The following KCNH8 variants were observed in gnomAD, a reference collection of about 807,000 sequenced individuals.
KCNH8 encodes potassium voltage-gated channel subfamily H member 8, also known as voltage-gated delayed rectifier potassium channel KCNH8.
KCNH8 carries 70 observed loss-of-function variants against 103.6 expected under a neutral mutation model. The observed-to-expected ratio is 0.68, with a 90% CI of 0.56 to 0.82. The LOEUF is 0.82. Among genes scored for constraint, KCNH8 ranks in the 40% least tolerant of loss-of-function variants. The pLI is 0.00. For missense variants in KCNH8, 1,217 were observed against 1,329.9 expected (o/e 0.92, Z 1.32); for synonymous variants, 498 against 489.4 (o/e 1.02, Z -0.23).
intron 7 of KCNH8, among the ~76,000 whole-genome samples, chr3:19,407,416 T>C (rs554274647): frequency 4.8e-4 from 73 of 152,182 alleles, no homozygotes; most frequent in African/African-American, 1.6e-3. Flanking sequence ...TAGACATAGA[T>C]TGTAGTACAG....
At chr3:19,373,212 T>C (rs1270866088) in intron 5 of KCNH8, among the ~76,000 whole-genome samples, 1 of 152,136 alleles carries the variant, frequency 6.6e-6, no homozygotes, top group Non-Finnish European at 1.5e-5. Flanking sequence ...GTACCTCTGG[T>C]AGAATTCGGC....
chr3:19,153,660 T>A (rs2063152760), intron 1 of KCNH8, among the ~76,000 whole-genome samples: 1 of 146,746 alleles, frequency 6.8e-6, no homozygotes, highest in African/African-American at 2.5e-5. Flanking sequence ...TTTAGACGAG[T>A]CTCACTCTGT....
At chr3:19,287,766 A>G (rs1390161966) in intron 3 of KCNH8, among the ~76,000 whole-genome samples, 2 of 149,312 alleles carry the variant, frequency 1.3e-5, no homozygotes, top group Non-Finnish European at 3.0e-5. Flanking sequence ...TTGTATTTTT[A>G]GTAGAGACGG....
intron 5 of KCNH8, among the ~76,000 whole-genome samples, chr3:19,355,294 A>T (rs1418867409): frequency 1.3e-5 from 2 of 152,224 alleles, no homozygotes; most frequent in African/African-American, 2.4e-5. Context: ...GGGACTGTAA[A>T]CTAGTTCACC....
At chr3:19,450,668 T>A (rs1262787945) in intron 9 of KCNH8, 4 of 299,344 alleles carry the variant, frequency 1.3e-5, no homozygotes, top group Non-Finnish European at 2.5e-5. Flanking sequence ...AGTTAAAAAA[T>A]TCCATCAAAG....
chr3:19,433,269 A>G (rs2067149758), intron 7 of KCNH8, among the ~76,000 whole-genome samples: 2 of 152,186 alleles, frequency 1.3e-5, no homozygotes, highest in Non-Finnish European at 2.9e-5. Context: ...GTTGTATAGC[A>G]ATGGAAATAG....
chr3:19,461,589 G>A (rs899501020), intron 11 of KCNH8, among the ~76,000 whole-genome samples: 3 of 152,124 alleles, frequency 2.0e-5, no homozygotes, highest in Non-Finnish European at 4.4e-5. Flanking sequence ...TTTGCAAAAT[G>A]GAAATGTACA....
rs77277809 is a variant in KCNH8 at position 19,194,514 on chromosome 3, A to G, written c.76+45719A>G. ...TGAAAGAAGTGCTTATTATGGACCT[A>G]TTATAGGGCTAGGACATTTCAAAGT... On this transcript the variant is annotated intron_variant, in intron 1 of 15. Coordinates refer to ENST00000328405, the MANE Select transcript of KCNH8 (RefSeq NM_144633.3). 7.6e-3 allele frequency among the ~76,000 whole-genome samples: 1,160 copies of G among 151,912 alleles called. 14 individuals are homozygous for G. The highest frequency in any genetic ancestry group is 0.026 in the African/African-American group (1,067 of 41,474).
At chr3:19,306,569 C>A (rs1049016835) in intron 3 of KCNH8, among the ~76,000 whole-genome samples, 1 of 152,012 alleles carries the variant, frequency 6.6e-6, no homozygotes, top group Non-Finnish European at 1.5e-5. Context: ...ATACAGCTAG[C>A]AAGTACCTAA....
intron 11 of KCNH8, among the ~76,000 whole-genome samples, chr3:19,507,870 TC>T (rs2068722555): frequency 6.6e-6 from 1 of 152,152 alleles, no homozygotes; most frequent in Admixed American, 6.5e-5. Flanking sequence ...GGGAGCACTG[TC>T]CCAGGAAAAC....
At chr3:19,337,041 C>T (rs1046850699) in intron 3 of KCNH8, among the ~76,000 whole-genome samples, 3 of 151,876 alleles carry the variant, frequency 2.0e-5, no homozygotes, top group Admixed American at 2.0e-4. Flanking sequence ...AACATGATAA[C>T]ACAGATAAGT....
At chr3:19,496,890 G>A (rs1389687084) in intron 11 of KCNH8, among the ~76,000 whole-genome samples, 7 of 152,100 alleles carry the variant, frequency 4.6e-5, no homozygotes, top group African/African-American at 1.7e-4. Context: ...GGTCTGTTCA[G>A]GGATTTAATT....
chr3:19,365,684 G>A lies in KCNH8; in HGVS notation c.811+17719G>A, dbSNP rs549624628. 3.9e-5 allele frequency among the ~76,000 whole-genome samples: 6 copies of A among 152,074 alleles called. No individual in the cohort carries two copies. In the South Asian group the frequency reaches 1.2e-3, roughly 31 times the overall value. On this transcript the variant is annotated intron_variant, in intron 5 of 15. Transcript: ENST00000328405. Reference sequence around the variant, plus strand: ...TAGGCCAGTGAAGCAAATAGACACAGGTTCTTGCCTTCATATGATTTACAT... The same window carrying A: ...TAGGCCAGTGAAGCAAATAGACACAAGTTCTTGCCTTCATATGATTTACAT...
intron 7 of KCNH8, among the ~76,000 whole-genome samples, chr3:19,432,396 T>C (rs2067136631): frequency 2.0e-5 from 3 of 152,184 alleles, no homozygotes; most frequent in African/African-American, 7.2e-5. Context: ...ATTTTTCCTC[T>C]CTAGCTTTTC....
chr3:19,376,320 G>C (rs111313719), intron 5 of KCNH8, among the ~76,000 whole-genome samples: 2,385 of 152,254 alleles, frequency 0.016, 61 homozygotes, highest in African/African-American at 0.054. Context: ...TTTTGAAGCC[G>C]GTCGGAAAAG....
At chr3:19,412,249 G>A (rs1405029323) in intron 7 of KCNH8, among the ~76,000 whole-genome samples, 4 of 151,840 alleles carry the variant, frequency 2.6e-5, no homozygotes, top group Admixed American at 2.6e-4. Context: ...TACACCTACA[G>A]CCATCTAATC....
chr3:19,360,060 G>A (rs2065928542), intron 5 of KCNH8, among the ~76,000 whole-genome samples: 1 of 151,942 alleles, frequency 6.6e-6, no homozygotes, highest in Non-Finnish European at 1.5e-5. Flanking sequence ...TAAAAAGCAT[G>A]AGCAAAAGCC....
intron 1 of KCNH8, among the ~76,000 whole-genome samples, chr3:19,240,921 G>A (rs992693996): frequency 1.1e-4 from 17 of 151,934 alleles, no homozygotes; most frequent in African/African-American, 4.1e-4. Context: ...ACCTTCATTG[G>A]TATCGCTCTG....
chr3:19,446,787 G>C (rs993449413), intron 8 of KCNH8, among the ~76,000 whole-genome samples: 33 of 151,694 alleles, frequency 2.2e-4, no homozygotes, highest in Non-Finnish European at 8.8e-5. Context: ...GAAAGAGAAG[G>C]GGGAAGAAAA....
Sources: gnomAD v4.1 joint callset for allele counts (sites outside exome capture counted in the v4.1 genomes callset) on GRCh38, gnomAD v4.1.1 for gene constraint, MANE v1.5 for transcripts, NCBI Gene and HGNC (gene_info 2026-07-23, HGNC 2026-07-21) for gene names.